The following PGM5 variants were observed in gnomAD, a reference collection of about 807,000 sequenced individuals.
The protein encoded by PGM5 is phosphoglucomutase 5.
PGM5 carries 23 observed loss-of-function variants against 59.2 expected under a neutral mutation model. The observed-to-expected ratio is 0.39, with a 90% CI of 0.28 to 0.55. The LOEUF (loss-of-function observed/expected upper bound fraction) is 0.55. Among genes scored for constraint, PGM5 ranks in the 20% least tolerant of loss-of-function variants. The pLI is 0.66. For synonymous variants in PGM5, 214 were observed against 286.0 expected (o/e 0.75, Z 2.54); for missense variants, 574 against 748.3 (o/e 0.77, Z 2.72).
chr9:68,402,162 G>A (rs1453537835), intron 6 of PGM5, among the ~76,000 whole-genome samples: 1 of 152,118 alleles, frequency 6.6e-6, no homozygotes, highest in South Asian at 2.1e-4. Context: ...TACTTGGGAG[G>A]CTGAGGCATG....
At chr9:68,419,807 C>G (rs577971246) in intron 6 of PGM5, among the ~76,000 whole-genome samples, 1 of 152,216 alleles carries the variant, frequency 6.6e-6, no homozygotes, top group East Asian at 1.9e-4. Flanking sequence ...CAGTGGATGG[C>G]CTTTTCCCCT....
At chr9:68,477,828 C>T (rs1824130900) in intron 7 of PGM5, among the ~76,000 whole-genome samples, 1 of 152,126 alleles carries the variant, frequency 6.6e-6, no homozygotes, top group African/African-American at 2.4e-5. Flanking sequence ...TGTTATTGTC[C>T]ATAGATTACA....
At chr9:68,484,898 T>C (rs1386079362) in intron 9 of PGM5, among the ~76,000 whole-genome samples, 7 of 152,168 alleles carry the variant, frequency 4.6e-5, no homozygotes, top group African/African-American at 1.7e-4. Context: ...TTGGACCACA[T>C]TCCCACTTCC....
At chr9:68,401,889 A>G (rs369818) in intron 6 of PGM5, among the ~76,000 whole-genome samples, 457 of 9,116 alleles carry the variant, frequency 0.05, no homozygotes, top group African/African-American at 0.092. Flanking sequence ...ATATATATAT[A>G]TGTGTGTGTG....
At chr9:68,494,935 C>T (rs1343470245) in intron 9 of PGM5, among the ~76,000 whole-genome samples, 1 of 152,222 alleles carries the variant, frequency 6.6e-6, no homozygotes, top group Non-Finnish European at 1.5e-5. Context: ...CTCTCTGAGA[C>T]TGCCTCAGGG....
intron 6 of PGM5, among the ~76,000 whole-genome samples, chr9:68,433,871 CAAAAG>C (rs1823396480): frequency 6.6e-6 from 1 of 152,014 alleles, no homozygotes. Context: ...GGCTCAGGGC[CAAAAG>C]AAAAGGAAAG....
At chr9:68,438,283 T>G (rs1434663840) in intron 6 of PGM5, among the ~76,000 whole-genome samples, 1 of 101,902 alleles carries the variant, frequency 9.8e-6, no homozygotes, top group Non-Finnish European at 1.8e-5. Flanking sequence ...AGGGAGACTC[T>G]GTCAAAAAAA....
rs547103648 is a variant in PGM5, at chr9:68,412,837, G to A, written c.1043+20364G>A. Among the ~76,000 whole-genome samples, 40 of 152,310 alleles carry A rather than the reference G, an allele frequency of 2.6e-4. No individual in the cohort carries two copies. In the South Asian group the frequency reaches 5.2e-3, roughly 20 times the overall value. ...GCATGTTAATTGTTTAGAGATAATGGACCTAATAAATAGAATGGTGCGGTT... is the reference window on the plus strand; with the variant it reads ...GCATGTTAATTGTTTAGAGATAATGAACCTAATAAATAGAATGGTGCGGTT... On this transcript the variant is annotated intron_variant, in intron 6 of 10. Coordinates refer to ENST00000396396, the MANE Select transcript of PGM5 (RefSeq NM_021965.4).
At chr9:68,386,280 A>G (rs1554678839) in intron 3 of PGM5, among the ~76,000 whole-genome samples, 1 of 152,054 alleles carries the variant, frequency 6.6e-6, no homozygotes, top group Non-Finnish European at 1.5e-5. Flanking sequence ...TACCATTTTA[A>G]CCATTGTTAG....
intron 6 of PGM5, among the ~76,000 whole-genome samples, chr9:68,394,929 ATCT>A (rs1276969114): frequency 2.0e-4 from 30 of 152,228 alleles, no homozygotes; most frequent in African/African-American, 6.0e-4. Flanking sequence ...GCTACTTTTA[ATCT>A]TCTTATTAGT....
At chr9:68,401,885 A>ATGTG (rs782427625) in intron 6 of PGM5, among the ~76,000 whole-genome samples, 1 of 104,136 alleles carries the variant, frequency 9.6e-6, no homozygotes, top group African/African-American at 4.7e-5. Flanking sequence ...AGCTATATAT[A>ATGTG]TATATGTGTG....
In PGM5 at chr9:68,406,720, A is replaced by ATATATATATATATG. The variant is rs1563996769; in HGVS notation, c.1043+14252_1043+14253insATATATATGTATAT. ...TATATATATATATATATATATATAT[A>ATATATATATATATG]TATATGTATATAGTGCTTACAGCAG... On this transcript the variant is annotated intron_variant, in intron 6 of 10. Transcript: ENST00000396396. Among the ~76,000 whole-genome samples, 8 of 76,568 alleles carry ATATATATATATATG rather than the reference A, an allele frequency of 1.0e-4. 1 individual carries two copies. Among genetic ancestry groups the ATATATATATATATG allele is most frequent in the Non-Finnish European group, 1.5e-4 (6 of 39,534 alleles). The allele number at this position is 76,568 out of a possible 152,430, so 50.2% of individuals were successfully genotyped here.
chr9:68,449,959 A>G (rs1285032461), intron 6 of PGM5, among the ~76,000 whole-genome samples: 1 of 152,042 alleles, frequency 6.6e-6, no homozygotes, highest in Non-Finnish European at 1.5e-5. Context: ...CATTTAAGAG[A>G]GATGTCCAGG....
chr9:68,371,231 G>A (rs1300955966), intron 1 of PGM5, among the ~76,000 whole-genome samples: 9 of 152,226 alleles, frequency 5.9e-5, no homozygotes, highest in East Asian at 3.8e-4. Context: ...GACGTTCAGC[G>A]GGGAGCAACA....
intron 10 of PGM5, among the ~76,000 whole-genome samples, chr9:68,505,480 T>G (rs12351373): frequency 6.6e-6 from 1 of 152,186 alleles, no homozygotes; most frequent in African/African-American, 2.4e-5. Flanking sequence ...GCTACCCACA[T>G]TTTTGCCTTG....
chr9:68,402,119 C>A (rs1214438244), intron 6 of PGM5, among the ~76,000 whole-genome samples: 1 of 152,058 alleles, frequency 6.6e-6, no homozygotes, highest in Admixed American at 6.6e-5. Flanking sequence ...CAAAAATTAG[C>A]TGGGTGTGGT....
At chr9:68,440,061 T>G (rs1001831851) in intron 6 of PGM5, among the ~76,000 whole-genome samples, 9 of 152,138 alleles carry the variant, frequency 5.9e-5, no homozygotes, top group African/African-American at 2.2e-4. Flanking sequence ...TAGGATAATT[T>G]TAAAGTACAT....
chr9:68,416,297 T>G (rs1325932679), intron 6 of PGM5, among the ~76,000 whole-genome samples: 1 of 152,154 alleles, frequency 6.6e-6, no homozygotes, highest in African/African-American at 2.4e-5. Context: ...TAGTGCATGA[T>G]GATGTTGGTG....
At chr9:68,399,086 T>G (rs1269609747) in intron 6 of PGM5, 1 of 152,222 alleles carries the variant, frequency 6.6e-6, no homozygotes, top group Non-Finnish European at 1.5e-5. Context: ...TTCTTACCTT[T>G]TTTTCCACTA....
Sources: gnomAD v4.1 joint callset for allele counts (sites outside exome capture counted in the v4.1 genomes callset) on GRCh38, gnomAD v4.1.1 for gene constraint, MANE v1.5 for transcripts, NCBI Gene and HGNC (gene_info 2026-07-23, HGNC 2026-07-21) for gene names.